SIPA1L3: variants seen among roughly 807,000 people sequenced by gnomAD.
SIPA1L3 encodes the protein signal-induced proliferation-associated 1-like protein 3.
In SIPA1L3, 59 loss-of-function variants were observed where a neutral mutation model predicts 150.1. The observed-to-expected ratio is 0.39, with a 90% CI of 0.32 to 0.49. SIPA1L3 has a LOEUF of 0.49. SIPA1L3 is among the 20% of genes least tolerant of loss of function. The pLI is 0.86. For missense variants in SIPA1L3, 2,211 were observed against 2,489.5 expected, an observed-to-expected ratio of 0.89 and a Z score of 2.38; for synonymous variants, 1,070 against 1,077.6, an observed-to-expected ratio of 0.99 and a Z score of 0.14.
intron 1 of SIPA1L3, among the ~76,000 whole-genome samples, chr19:37,941,956 G>A (rs1380395825): frequency 3.3e-5 from 5 of 152,218 alleles, no homozygotes; most frequent in African/African-American, 1.2e-4. Context: ...TAGCACGCTT[G>A]AAATCATTTA....
intron 21 of SIPA1L3, 37 bp from the exon 22 acceptor site, chr19:38,206,059 AG>A (rs1459895709): frequency 6.6e-7 from 1 of 1,509,942 alleles, no homozygotes; most frequent in African/African-American, 1.4e-5. Context: ...GGAGCGGCCA[AG>A]CCCACCCGCC....
rs969938957 is a variant in SIPA1L3 at position 38,203,973 on chromosome 19, G to T, written c.5121-154G>T. On this transcript the variant is annotated intron_variant, in intron 20 of 21. Coordinates refer to ENST00000222345, the MANE Select transcript of SIPA1L3 (RefSeq NM_015073.3). Reference sequence around the variant, plus strand: ...GTGGGTGGAGTGTGCCGGGTGGAGGGCTGGCTTCCTGCTTCCCCTCAGAGC... The same window carrying T: ...GTGGGTGGAGTGTGCCGGGTGGAGGTCTGGCTTCCTGCTTCCCCTCAGAGC... 4.8e-6 allele frequency: 3 copies of T among 618,866 alleles called. No homozygotes were observed. The African/African-American group carries it at 5.6e-5, about 11-fold the overall frequency. 38.3% of individuals were successfully genotyped at this position (618,866 alleles called of 1,614,324 possible).
intron 12 of SIPA1L3, among the ~76,000 whole-genome samples, chr19:38,144,737 G>A (rs1175011834): frequency 6.6e-6 from 1 of 152,204 alleles, no homozygotes; most frequent in Non-Finnish European, 1.5e-5. Flanking sequence ...TTACGAGGGG[G>A]TTCTGTAGTC....
At chr19:38,091,413 T>C (rs543359146) in intron 4 of SIPA1L3, among the ~76,000 whole-genome samples, 1 of 152,212 alleles carries the variant, frequency 6.6e-6, no homozygotes, top group African/African-American at 2.4e-5. Flanking sequence ...CATATGTATA[T>C]ATAAAATATT....
chr19:37,940,295 A>G (rs1427486995), intron 1 of SIPA1L3, among the ~76,000 whole-genome samples: 1 of 150,290 alleles, frequency 6.7e-6, no homozygotes, highest in Non-Finnish European at 1.5e-5. Context: ...AAAAACAAAC[A>G]AACAAAAAAA....
At chr19:38,175,919 A>G (rs1972425121) in intron 15 of SIPA1L3, among the ~76,000 whole-genome samples, 1 of 151,984 alleles carries the variant, frequency 6.6e-6, no homozygotes, top group Admixed American at 6.6e-5. Context: ...GAAAGAAAGA[A>G]CGTTCAGGCT....
At position 38,100,011 on chromosome 19, in the gene SIPA1L3, C is replaced by T; in HGVS notation, c.1715C>T (p.Thr572Ile). 6.2e-7 allele frequency: 1 copy of T among 1,610,696 alleles called. No homozygotes were observed. Among genetic ancestry groups the T allele is most frequent in the Admixed American group, 1.7e-5 (1 of 59,130 alleles). Residue 572 changes from threonine (T) to isoleucine (I), a missense_variant, in exon 5 of 22, where the codon ACC (threonine) becomes ATC (isoleucine). Physicochemically the swap from Thr to Ile is moderately conservative, Grantham distance 89 (BLOSUM62 -1). This residue lies in a region of SIPA1L3 where 625 missense variants were observed against 804.2 expected (regional missense o/e 0.78). Coordinates refer to ENST00000222345, the MANE Select transcript of SIPA1L3 (RefSeq NM_015073.3). ...CTGGAAGATGCTACGCCCACAGCCA[C>T]CAAGCATGGGACCGGGCGGGGCCTG... Reference protein sequence around the residue: ...SILEDATPTATKHGTGRGLPL... With the variant: ...SILEDATPTAIKHGTGRGLPL...
intron 1 of SIPA1L3, among the ~76,000 whole-genome samples, chr19:37,987,160 T>A (rs189938029): frequency 9.9e-5 from 15 of 152,170 alleles, no homozygotes; most frequent in Admixed American, 9.2e-4. Context: ...ACTCCCGACC[T>A]CAGGTGATCC....
rs190647997 is a variant in SIPA1L3 at position 38,130,374 on chromosome 19, G to A, written c.2869-124G>A. 962 of 985,192 alleles carry A rather than the reference G, an allele frequency of 9.8e-4. 21 individuals carry two copies. The Admixed American group carries it at 0.022, about 23-fold the overall frequency. 61.0% of individuals were successfully genotyped at this position (985,192 alleles called of 1,614,324 possible). A position where few individuals can be genotyped will look rare whatever the true frequency, so the allele number is the denominator to read the frequency against. ...CCCTGCGGGTCCCCTGCCATCACCC[G>A]GGAAGGTATTAATAGATGGGAGTTG... On this transcript the variant is annotated intron_variant, in intron 9 of 21. Coordinates refer to ENST00000222345, the MANE Select transcript of SIPA1L3 (RefSeq NM_015073.3).
At chr19:38,008,281 G>A (rs1236446577) in intron 1 of SIPA1L3, among the ~76,000 whole-genome samples, 1 of 133,624 alleles carries the variant, frequency 7.5e-6, no homozygotes, top group African/African-American at 2.8e-5. Context: ...AGGCTGGAGT[G>A]CAGTGGTGCA....
chr19:37,969,371 G>A (rs1232439831), intron 1 of SIPA1L3, among the ~76,000 whole-genome samples: 2 of 152,188 alleles, frequency 1.3e-5, no homozygotes, highest in Non-Finnish European at 2.9e-5. Context: ...GACCAACTTG[G>A]TGAAACCCTG....
chr19:38,070,218 AT>A (rs1969686422), intron 2 of SIPA1L3, among the ~76,000 whole-genome samples: 6 of 148,952 alleles, frequency 4.0e-5, no homozygotes, highest in Non-Finnish European at 9.0e-5. Flanking sequence ...CTATCTATCT[AT>A]CTATTTTTGA....
At chr19:37,911,250 C>T (rs997172951) in intron 1 of SIPA1L3, among the ~76,000 whole-genome samples, 35 of 149,736 alleles carry the variant, frequency 2.3e-4, no homozygotes, top group Non-Finnish European at 2.2e-4. Flanking sequence ...TATGTATGTG[C>T]GTGTGTGTGT....
chr19:38,038,450 C>G (rs1332491647), intron 2 of SIPA1L3, among the ~76,000 whole-genome samples: 1 of 152,028 alleles, frequency 6.6e-6, no homozygotes, highest in Non-Finnish European at 1.5e-5. Context: ...ATTAGCCAGG[C>G]ATGGTGGTGG....
At chr19:38,131,237 C>T (rs1464137777) in intron 10 of SIPA1L3, among the ~76,000 whole-genome samples, 5 of 152,160 alleles carry the variant, frequency 3.3e-5, no homozygotes, top group Admixed American at 1.3e-4. Context: ...TGTGTCATAC[C>T]GGATCAGGTA....
intron 15 of SIPA1L3, chr19:38,173,488 A>G (rs1459156974): frequency 2.0e-5 from 3 of 152,388 alleles, no homozygotes; most frequent in Non-Finnish European, 2.9e-5. Context: ...GGCAGCACGC[A>G]CTCCAGAGCT....
rs765752216 is a variant in SIPA1L3 at position 38,188,179 on chromosome 19, T to TGTGGTG, written c.4431-3944_4431-3939dup. ...TTTTAGATTAAACATGTTTTGTTGT[T>TGTGGTG]GTGGTGGTGGTGGTGGTGGTGGTGG... On this transcript the variant is annotated intron_variant, in intron 16 of 21. Coordinates refer to ENST00000222345, the MANE Select transcript of SIPA1L3 (RefSeq NM_015073.3). 3.3e-5 allele frequency among the ~76,000 whole-genome samples: 5 copies of TGTGGTG among 151,300 alleles called. No individual in the cohort carries two copies. In the East Asian group the frequency reaches 7.8e-4, roughly 23 times the overall value.
intron 1 of SIPA1L3, among the ~76,000 whole-genome samples, chr19:37,984,193 C>T (rs1369021891): frequency 6.6e-6 from 1 of 152,208 alleles, no homozygotes; most frequent in Non-Finnish European, 1.5e-5. Flanking sequence ...GGATTCCATC[C>T]TTACTAATGT....
chr19:38,126,037 G>T (rs1022246728), intron 9 of SIPA1L3, among the ~76,000 whole-genome samples: 5 of 152,138 alleles, frequency 3.3e-5, no homozygotes, highest in Non-Finnish European at 7.4e-5. Context: ...AGCCGGGCGT[G>T]GTGGCGGGCT....
Sources: allele counts gnomAD v4.1 joint callset (sites outside exome capture counted in the v4.1 genomes callset), GRCh38; gene constraint gnomAD v4.1.1; regional missense constraint gnomAD v4.1.1; transcripts MANE v1.5; gene names NCBI Gene and HGNC (gene_info 2026-07-23, HGNC 2026-07-21).